Variants in TTC34 observed in about 807,000 individuals in gnomAD.
The protein encoded by TTC34 is tetratricopeptide repeat protein 34.
In TTC34, 44 loss-of-function variants were observed where a neutral mutation model predicts 40.7. The observed-to-expected ratio is 1.08, with a 90% CI of 0.85 to 1.39. TTC34 has a LOEUF of 1.39. Among genes scored for constraint, TTC34 ranks in the 40% most tolerant of loss-of-function variants. TTC34 has a pLI of 0.00. For synonymous variants in TTC34, 422 were observed against 398.6 expected (o/e 1.06, Z -0.70); for missense variants, 884 against 838.0 (o/e 1.05, Z -0.68).
chr1:2,657,312 C>A (rs1299674630), intron 6 of TTC34, among the ~76,000 whole-genome samples: 1 of 121,190 alleles, frequency 8.3e-6, no homozygotes, highest in Non-Finnish European at 1.9e-5. Context: ...CCCAGGTGAG[C>A]ATCTGACAGC....
intron 6 of TTC34, among the ~76,000 whole-genome samples, chr1:2,752,656 C>A (rs1181426991): frequency 7.1e-6 from 1 of 140,582 alleles, no homozygotes; most frequent in Non-Finnish European, 1.5e-5. Context: ...CACACACCCC[C>A]AGGCGAGCAT....
At chr1:2,646,067 G>A (rs748563673) in intron 6 of TTC34, among the ~76,000 whole-genome samples, 3 of 152,242 alleles carry the variant, frequency 2.0e-5, no homozygotes, top group East Asian at 1.9e-4. Flanking sequence ...CTGCTCTCCC[G>A]TAACTCCCAG....
exon 9 of TTC34, chr1:2,641,359 C>T (rs1201501567): frequency 6.7e-7 from 1 of 1,490,456 alleles, no homozygotes; most frequent in Admixed American, 2.1e-5. Context: ...GGGAGAGGGT[C>T]AGGCCCAGTC....
chr1:2,775,398 T>C (rs1316367162), intron 6 of TTC34: 4 of 135,660 alleles, frequency 2.9e-5, no homozygotes, highest in African/African-American at 1.2e-4. Flanking sequence ...GCACCCCCAG[T>C]TGAGCATCTG....
At chr1:2,750,927 C>T (rs1247788421) in intron 6 of TTC34, among the ~76,000 whole-genome samples, 2 of 103,986 alleles carry the variant, frequency 1.9e-5, no homozygotes, top group African/African-American at 9.1e-5. Context: ...GCACCCACAC[C>T]TTCAGGCGAG....
In TTC34 at chr1:2,642,948, C is replaced by A. The variant is rs1233157735; in HGVS notation, c.2713-1053G>T. On this transcript the variant is annotated intron_variant, in intron 8 of 8. Coordinates refer to ENST00000401095, the Ensembl canonical transcript of TTC34. ...GGCAGGGGCTCGAAACCCCGTCCCTCGCCTGCGGTGCGGCCCGCGGGACCG... is the reference window on the plus strand; with the variant it reads ...GGCAGGGGCTCGAAACCCCGTCCCTAGCCTGCGGTGCGGCCCGCGGGACCG... Among the ~76,000 whole-genome samples the A allele has an allele frequency of 2.6e-5, 4 of 152,368 alleles. No homozygotes were observed. In the East Asian group the frequency reaches 7.7e-4, roughly 29 times the overall value.
intron 6 of TTC34, among the ~76,000 whole-genome samples, chr1:2,673,228 A>T: frequency 2.9e-5 from 2 of 69,256 alleles, no homozygotes; most frequent in Non-Finnish European, 7.0e-5. Flanking sequence ...CTGGAACCGC[A>T]GCCACACCCC....
rs1640078091 is a variant in TTC34, at chr1:2,681,618, A to C, written c.2227-36055T>G. Among the ~76,000 whole-genome samples the C allele has an allele frequency of 3.4e-5, 2 of 58,610 alleles. 1 individual carries two copies. 38.5% of individuals were successfully genotyped at this position (58,610 alleles called of 152,430 possible). On this transcript the variant is annotated intron_variant, in intron 6 of 8. Coordinates refer to ENST00000401095, the Ensembl canonical transcript of TTC34. ...TGAGCATCAGACAGCCTGGAACCGC[A>C]GCCACACCCCCAGCGAGCACCTGAC...
intron 6 of TTC34, among the ~76,000 whole-genome samples, chr1:2,652,175 G>A (rs540187236): frequency 1.3e-5 from 2 of 152,002 alleles, no homozygotes; most frequent in African/African-American, 2.4e-5. Context: ...CCCCAGGTGA[G>A]CATCTGACAG....
chr1:2,685,214 T>C (rs1489139659), intron 6 of TTC34, among the ~76,000 whole-genome samples: 34 of 113,090 alleles, frequency 3.0e-4, no homozygotes, highest in Admixed American at 3.7e-4. Context: ...GGTGAGCATC[T>C]GACATCGTGG....
intron 6 of TTC34, among the ~76,000 whole-genome samples, chr1:2,671,816 G>C (rs1230612360): frequency 6.6e-6 from 1 of 152,022 alleles, no homozygotes; most frequent in East Asian, 1.9e-4. Flanking sequence ...TGACCTCCCG[G>C]AGCAGCACCA....
chr1:2,692,418 C>T (rs1388989271), intron 6 of TTC34, among the ~76,000 whole-genome samples: 1 of 123,044 alleles, frequency 8.1e-6, no homozygotes, highest in African/African-American at 3.1e-5. Context: ...GGAGCAGCAC[C>T]CACACCCCCA....
chr1:2,794,289 G>A (rs1643692891), intron 2 of TTC34, among the ~76,000 whole-genome samples: 1 of 152,230 alleles, frequency 6.6e-6, no homozygotes, highest in Non-Finnish European at 1.5e-5. Context: ...TTACAGGCAT[G>A]AGCCACTGAG....
At chr1:2,638,119 C>T (rs1638827107) in exon 9 of TTC34, 2 of 152,072 alleles carry the variant, frequency 1.3e-5, no homozygotes, top group South Asian at 4.2e-4. Context: ...AAATGATGCT[C>T]ATTTTATTTA....
At chr1:2,751,924 G>T (rs1190908701) in intron 6 of TTC34, among the ~76,000 whole-genome samples, 1 of 18,964 alleles carries the variant, frequency 5.3e-5, no homozygotes, top group Admixed American at 6.7e-4. Context: ...GGAGCAGCAC[G>T]CATAACCACA....
chr1:2,778,912 G>A lies in TTC34; in HGVS notation c.2226+4697C>T, dbSNP rs912724526. Among the ~76,000 whole-genome samples, 64 of 151,796 alleles carry A rather than the reference G, an allele frequency of 4.2e-4. 1 individual carries two copies. Among genetic ancestry groups the A allele is most frequent in the African/African-American group, 1.3e-3 (52 of 41,296 alleles). On this transcript the variant is annotated intron_variant, in intron 6 of 8. Transcript: ENST00000401095. Reference sequence around the variant, plus strand: ...TGTCCCCGTTAAATACTAACTCTCCGTTCCCCAGGCACTCTCTGCCCCCAA... The same window carrying A: ...TGTCCCCGTTAAATACTAACTCTCCATTCCCCAGGCACTCTCTGCCCCCAA...
intron 6 of TTC34, among the ~76,000 whole-genome samples, chr1:2,683,475 C>T (rs946115618): frequency 2.1e-5 from 3 of 145,010 alleles, no homozygotes; most frequent in Non-Finnish European, 3.0e-5. Flanking sequence ...ACCCACACCA[C>T]CAGGCGAGCA....
At chr1:2,675,312 G>GCACCCACACCCGAAGGTGAA (rs1639865016) in intron 6 of TTC34, among the ~76,000 whole-genome samples, 1 of 130,556 alleles carries the variant, frequency 7.7e-6, no homozygotes, top group Non-Finnish European at 1.7e-5. Flanking sequence ...GCCTGGAACA[G>GCACCCACACCCGAAGGTGAA]CAACCATACC....
At chr1:2,759,592 C>G (rs1286898032) in intron 6 of TTC34, among the ~76,000 whole-genome samples, 11,668 of 55,282 alleles carry the variant, frequency 0.21, 13 homozygotes, top group Non-Finnish European at 0.25. Context: ...TGGAACAGCA[C>G]CCACACCGCC....
Sources: gnomAD v4.1 joint callset for allele counts (sites outside exome capture counted in the v4.1 genomes callset) on GRCh38, gnomAD v4.1.1 for gene constraint, MANE v1.5 for transcripts, NCBI Gene and HGNC (gene_info 2026-07-23, HGNC 2026-07-21) for gene names.